Variants in TTC28 observed in about 807,000 individuals in gnomAD.
TTC28 encodes the protein tetratricopeptide repeat protein 28.
A neutral mutation model predicts 198.0 loss-of-function variants in TTC28; 61 were observed. The observed-to-expected ratio is 0.31, with a 90% CI of 0.25 to 0.38. TTC28 has a LOEUF of 0.38. TTC28 is among the 10% of genes least tolerant of loss of function. The pLI, the probability that TTC28 is intolerant of heterozygous loss-of-function variation, is 1.00. For synonymous variants in TTC28, 1,171 were observed against 1,297.8 expected (o/e 0.90, Z 2.10); for missense variants, 2,678 against 3,164.0 (o/e 0.85, Z 3.69).
rs1409968737 is a variant in TTC28 at position 27,981,118 on chromosome 22, T to C, written c.*1103A>G. The C allele has an allele frequency of 1.3e-5, 2 of 149,602 alleles. No homozygotes were observed. Among genetic ancestry groups the C allele is most frequent in the African/African-American group, 2.5e-5 (1 of 40,376 alleles). 9.3% of individuals were successfully genotyped at this position (149,602 alleles called of 1,614,324 possible). A position where few individuals can be genotyped will look rare whatever the true frequency, so the allele number is the denominator to read the frequency against. ...GGGGACCTGGCAAAGGATTTAGATA[T>C]AAGACAACTGAGGGACCTGGAGTTG... is the stretch of plus-strand genomic sequence containing the variant. On this transcript the variant is annotated 3_prime_UTR_variant, in exon 23 of 23. Transcript: ENST00000397906.
chr22:28,503,289 A>G (rs1471617516), intron 2 of TTC28, among the ~76,000 whole-genome samples: 1 of 152,194 alleles, frequency 6.6e-6, no homozygotes, highest in Non-Finnish European at 1.5e-5. Context: ...TCTCATCCCC[A>G]GCTGTACTCC....
intron 2 of TTC28, among the ~76,000 whole-genome samples, chr22:28,576,252 T>A (rs565294953): frequency 3.9e-4 from 60 of 152,242 alleles, no homozygotes; most frequent in African/African-American, 1.4e-3. Context: ...AATAATCATA[T>A]GGGTTTCGGC....
intron 2 of TTC28, among the ~76,000 whole-genome samples, chr22:28,569,504 A>G (rs1033685713): frequency 6.6e-6 from 1 of 152,252 alleles, no homozygotes; most frequent in Non-Finnish European, 1.5e-5. Context: ...GGCTAGTCAT[A>G]TGCAGAAGAT....
chr22:28,032,294 GTA>G (rs778948919), intron 12 of TTC28, among the ~76,000 whole-genome samples: 1,540 of 112,734 alleles, frequency 0.014, 43 homozygotes, highest in Non-Finnish European at 0.021. Flanking sequence ...GTGTGTGTGT[GTA>G]TATGTGTGTG....
rs1230965995 is a variant in TTC28, at chr22:28,420,426, G to T, written c.382-113783C>A. 2.0e-5 allele frequency among the ~76,000 whole-genome samples: 3 copies of T among 151,880 alleles called. No homozygotes were observed. The South Asian group carries it at 6.2e-4, about 32-fold the overall frequency. ...TTTCTAGTAGTTTCTCTTCTCTGTG[G>T]CTACAATAATTCTCAAAAACACACT... On this transcript the variant is annotated intron_variant, in intron 2 of 22. Transcript: ENST00000397906.
chr22:28,279,038 T>A (rs1232191752), intron 5 of TTC28, among the ~76,000 whole-genome samples: 1 of 152,202 alleles, frequency 6.6e-6, no homozygotes, highest in East Asian at 1.9e-4. Flanking sequence ...TTACTGCTCA[T>A]CCTTCTTTCA....
At chr22:28,410,215 C>A (rs1005485433) in intron 2 of TTC28, among the ~76,000 whole-genome samples, 1 of 152,200 alleles carries the variant, frequency 6.6e-6, no homozygotes. Flanking sequence ...AGTCATAATG[C>A]CTGGCCTGTG....
chr22:28,359,019 T>C (rs139041266), intron 2 of TTC28, among the ~76,000 whole-genome samples: 152 of 152,274 alleles, frequency 1.0e-3, no homozygotes, highest in African/African-American at 3.6e-3. Flanking sequence ...TACTGAACTA[T>C]ATAACAAAAT....
intron 12 of TTC28, among the ~76,000 whole-genome samples, chr22:28,044,540 T>C (rs1939787103): frequency 6.6e-6 from 1 of 152,170 alleles, no homozygotes; most frequent in Non-Finnish European, 1.5e-5. Context: ...GCCATGTTGG[T>C]GTGCTGCACC....
At chr22:28,222,427 G>A (rs1927953786) in intron 5 of TTC28, among the ~76,000 whole-genome samples, 1 of 152,208 alleles carries the variant, frequency 6.6e-6, no homozygotes, top group Non-Finnish European at 1.5e-5. Flanking sequence ...AGAAAAACAT[G>A]TCTTGGCACT....
chr22:28,481,368 A>T (rs965712613), intron 2 of TTC28, among the ~76,000 whole-genome samples: 4 of 152,226 alleles, frequency 2.6e-5, no homozygotes, highest in Non-Finnish European at 4.4e-5. Flanking sequence ...GCTAATAATT[A>T]ATCATATGGG....
intron 10 of TTC28, among the ~76,000 whole-genome samples, chr22:28,096,613 C>T (rs896092691): frequency 3.3e-5 from 5 of 152,184 alleles, no homozygotes; most frequent in African/African-American, 9.7e-5. Context: ...TTCCACACTA[C>T]CCTAAGCCAT....
chr22:28,591,038 CACATATATATAT>C (rs1333503217), intron 2 of TTC28, among the ~76,000 whole-genome samples: 30 of 24,524 alleles, frequency 1.2e-3, no homozygotes, highest in African/African-American at 2.4e-3. Context: ...CACACACACA[CACATATATATAT>C]ATATATATAT....
intron 2 of TTC28, among the ~76,000 whole-genome samples, chr22:28,581,091 G>A (rs2050227651): frequency 6.6e-6 from 1 of 152,108 alleles, no homozygotes. Context: ...CAAATGTTAA[G>A]AGGACGGTCC....
chr22:28,102,119 T>G (rs16985990), intron 8 of TTC28, among the ~76,000 whole-genome samples: 4,709 of 152,266 alleles, frequency 0.031, 147 homozygotes, highest in East Asian at 0.079. Context: ...TCCTGATAGT[T>G]AAATACAGAA....
intron 12 of TTC28, among the ~76,000 whole-genome samples, chr22:28,049,372 A>C (rs1175685195): frequency 6.6e-6 from 1 of 152,366 alleles, no homozygotes; most frequent in East Asian, 1.9e-4. Flanking sequence ...GCTTTGCAGC[A>C]ACTGTAAAAT....
intron 5 of TTC28, among the ~76,000 whole-genome samples, chr22:28,236,663 T>C (rs112695092): frequency 0.014 from 2,109 of 152,284 alleles, 34 homozygotes; most frequent in South Asian, 0.043. Flanking sequence ...AGTTTAAGGA[T>C]ATGGGCTTGG....
At chr22:28,043,743 G>C (rs1457278757) in intron 12 of TTC28, among the ~76,000 whole-genome samples, 6 of 152,176 alleles carry the variant, frequency 3.9e-5, no homozygotes, top group Non-Finnish European at 4.4e-5. Flanking sequence ...TGTTGGGGGA[G>C]AGGATGGGCA....
rs1941481284 is a variant in TTC28, at chr22:28,084,382, C to A, written c.3932+9698G>T. On this transcript the variant is annotated intron_variant, in intron 12 of 22. Coordinates refer to ENST00000397906, the MANE Select transcript of TTC28 (RefSeq NM_001145418.2). ...ATCCGCTGTTCTGCAGCCACCGCTG[C>A]TGATACCCAGGAAAACAGGGTCTGG... 2.6e-5 allele frequency among the ~76,000 whole-genome samples: 4 copies of A among 152,228 alleles called. No homozygotes were observed. The South Asian group carries it at 8.3e-4, about 32-fold the overall frequency.
Sources: allele counts gnomAD v4.1 joint callset (sites outside exome capture counted in the v4.1 genomes callset), GRCh38; gene constraint gnomAD v4.1.1; transcripts MANE v1.5; gene names NCBI Gene and HGNC (gene_info 2026-07-23, HGNC 2026-07-21).